PXMP4: variants seen among roughly 807,000 people sequenced by gnomAD.
PXMP4 encodes peroxisomal membrane protein 4, also known as 24 kDa peroxisomal intrinsic membrane protein.
PXMP4 carries 16 observed loss-of-function variants against 21.6 expected under a neutral mutation model. The observed-to-expected ratio is 0.74, with a 90% CI of 0.50 to 1.13. The LOEUF is 1.13. Among genes scored for constraint, PXMP4 ranks in the 50% most tolerant of loss-of-function variants. The probability of loss-of-function intolerance (pLI) is 0.00; values close to 1 mark genes in which losing one functional copy is unlikely to be tolerated. For synonymous variants in PXMP4, 127 were observed against 123.8 expected (o/e 1.03, Z -0.17); for missense variants, 240 against 277.7 (o/e 0.86, Z 0.96).
chr20:33,707,903 T>C lies in PXMP4; in HGVS notation c.442A>G (p.Ile148Val). 2 of 1,614,148 alleles carry C rather than the reference T, an allele frequency of 1.2e-6. No individual in the cohort carries two copies. The highest frequency in any genetic ancestry group is 8.5e-7 in the Non-Finnish European group (1 of 1,180,034). The change falls in exon 4 of 4, where the codon ATC becomes GTC. Residue 148 changes from isoleucine (I) to valine (V), a missense_variant. Ile to Val is a conservative substitution (Grantham distance 29). Coordinates refer to ENST00000409299, the MANE Select transcript of PXMP4 (RefSeq NM_007238.5). ...LSRLAVEKGY[I>V]PEPRWDPFPL... ...AACGGGTCCCACCTGGGTTCAGGGA[T>C]GTAGCCCTTCTCTACAGCCAGGCGG...
Position 33,702,897 on chromosome 20 carries a change from G to A in PXMP4, c.*4809C>T, listed in dbSNP as rs1047226700. On this transcript the variant is annotated 3_prime_UTR_variant, in exon 4 of 4. Transcript: ENST00000409299. ...AAGCATAGCACTTACTGTGCAACAAGAGCCCTCTGGCCATCCCTGTTTTAC... is the reference window on the plus strand; with the variant it reads ...AAGCATAGCACTTACTGTGCAACAAAAGCCCTCTGGCCATCCCTGTTTTAC... 1 of 152,154 alleles carries A rather than the reference G, an allele frequency of 6.6e-6. No individual in the cohort carries two copies. Among genetic ancestry groups the A allele is most frequent in the African/African-American group, 2.4e-5 (1 of 41,428 alleles). 9.4% of individuals were successfully genotyped at this position (152,154 alleles called of 1,614,324 possible).
chr20:33,710,529 T>G (rs755695260), intron 3 of PXMP4, 26 bp downstream of exon 3: 1 of 1,207,858 alleles, frequency 8.3e-7, no homozygotes. Context: ...CCCCCTTCAC[T>G]ACCCCCATCT....
rs1209510651 is a variant in PXMP4 at position 33,703,409 on chromosome 20, C to T, written c.*4297G>A. 1 of 152,278 alleles carries T rather than the reference C, an allele frequency of 6.6e-6. No individual in the cohort carries two copies. The highest frequency in any genetic ancestry group is 1.9e-4 in the East Asian group (1 of 5,198). The allele number at this position is 152,278 out of a possible 1,614,324, so 9.4% of individuals were successfully genotyped here. ...AAATAGAGGCACAGAATGGCTCAGTCACTTGCCCAAGGAAACTGTGGGGCC... is the reference window on the plus strand; with the variant it reads ...AAATAGAGGCACAGAATGGCTCAGTTACTTGCCCAAGGAAACTGTGGGGCC... On this transcript the variant is annotated 3_prime_UTR_variant, in exon 4 of 4. Coordinates refer to ENST00000409299, the MANE Select transcript of PXMP4 (RefSeq NM_007238.5).
In PXMP4 at chr20:33,704,916, CA is replaced by C. The variant is rs2018240881; in HGVS notation, c.*2789del. 1 of 151,650 alleles carries C rather than the reference CA, an allele frequency of 6.6e-6. No individual in the cohort carries two copies. The highest frequency in any genetic ancestry group is 2.4e-5 in the African/African-American group (1 of 41,226). The allele number at this position is 151,650 out of a possible 1,614,324, so 9.4% of individuals were successfully genotyped here. A position where few individuals can be genotyped will look rare whatever the true frequency, so the allele number is the denominator to read the frequency against. On this transcript the variant is annotated 3_prime_UTR_variant, in exon 4 of 4. Transcript: ENST00000409299. ...AGTATATTAATGAAAGTGTATCTAC[CA>C]GACCAATGGTCTCAAATTGGTAGCC... is the stretch of plus-strand genomic sequence containing the variant.
rs763105714 is a variant in PXMP4 at position 33,710,620 on chromosome 20, C to T, written c.310G>A (p.Ala104Thr). The change falls in exon 3 of 4, where the codon GCA (alanine) becomes ACA (threonine). Residue 104 changes from alanine to threonine, a missense_variant. Ala to Thr is a moderately conservative substitution (Grantham distance 58). Coordinates refer to ENST00000409299, the MANE Select transcript of PXMP4 (RefSeq NM_007238.5). ...YIQGKTYPAH[A>T]FLAAFLGGIL... is the part of the protein sequence containing the mutation. ...CCCCCGAGGAAGGCCGCCAGGAATGCGTGTGCTGGGTAGGTCTTGCCTTGT... is the reference window on the plus strand; with the variant it reads ...CCCCCGAGGAAGGCCGCCAGGAATGTGTGTGCTGGGTAGGTCTTGCCTTGT... The T allele has an allele frequency of 6.2e-7, 1 of 1,613,874 alleles. No homozygotes were observed. Among genetic ancestry groups the T allele is most frequent in the South Asian group, 1.1e-5 (1 of 91,070 alleles).
rs764280016 is a variant in PXMP4 at position 33,720,184 on chromosome 20, C to T, written c.24G>A (p.Arg8=). The change falls in exon 1 of 4, where the codon AGG becomes AGA. Residue 8 remains arginine (R), a synonymous_variant. Transcript: ENST00000409299. MAAPPQL[R]ALLVVVNALL... ...GTGCGTTGACGACTACGAGCAGAGC[C>T]CTTAGCTGCGGCGGGGCTGCCATAG... The T allele has an allele frequency of 9.9e-6, 16 of 1,612,614 alleles. No homozygotes were observed. The South Asian group carries it at 1.3e-4, about 13-fold the overall frequency.
intron 2 of PXMP4, 27 bp downstream of exon 2, chr20:33,714,647 T>C (rs752212229): frequency 6.2e-7 from 1 of 1,608,852 alleles, no homozygotes; most frequent in African/African-American, 1.3e-5. Flanking sequence ...GCTGACCACA[T>C]TCTCTCCCAG....
rs2018437948 is a variant in PXMP4, at chr20:33,720,253, T to C, written c.-46A>G. On this transcript the variant is annotated 5_prime_UTR_variant, in exon 1 of 4. Coordinates refer to ENST00000409299, the MANE Select transcript of PXMP4 (RefSeq NM_007238.5). ...TCGGGGTTAGGAACTGTAAGCGCAC[T>C]GACAGCCGGAGGTTCCAGCTGCGCG... The C allele has an allele frequency of 6.5e-7, 1 of 1,533,490 alleles. No homozygotes were observed. The highest frequency in any genetic ancestry group is 1.9e-5 in the Admixed American group (1 of 53,698). The allele number at this position is 1,533,490 out of a possible 1,614,324, so 95.0% of individuals were successfully genotyped here.
chr20:33,715,802 C>T (rs1230946633), intron 1 of PXMP4, among the ~76,000 whole-genome samples: 1 of 151,472 alleles, frequency 6.6e-6, no homozygotes, highest in Non-Finnish European at 1.5e-5. Flanking sequence ...TGGAATTGCT[C>T]CCTCTGCTCC....
In PXMP4 at chr20:33,710,634, G is replaced by A; in HGVS notation, c.296C>T (p.Thr99Ile). 1.9e-6 allele frequency: 3 copies of A among 1,613,894 alleles called. No individual in the cohort carries two copies. The highest frequency in any genetic ancestry group is 2.5e-6 in the Non-Finnish European group (3 of 1,179,998). The change falls in exon 3 of 4, where the codon ACC (threonine) becomes ATC (isoleucine). Residue 99 changes from threonine to isoleucine, a missense_variant. Transcript: ENST00000409299. ...RALQSYIQGK[T>I]YPAHAFLAAF... The stretch of plus-strand genomic sequence containing the variant: ...CGCCAGGAATGCGTGTGCTGGGTAG[G>A]TCTTGCCTTGTATGTAGGACTGCAG...
chr20:33,719,660 G>A (rs1440898629), intron 1 of PXMP4, among the ~76,000 whole-genome samples: 2 of 152,204 alleles, frequency 1.3e-5, no homozygotes, highest in Non-Finnish European at 1.5e-5. Flanking sequence ...GAAGTGAGAA[G>A]CAGGATGCAA....
At chr20:33,712,917 C>T (rs1021998338) in intron 2 of PXMP4, among the ~76,000 whole-genome samples, 4 of 152,228 alleles carry the variant, frequency 2.6e-5, no homozygotes, top group Non-Finnish European at 5.9e-5. Context: ...GCATGAGCCA[C>T]TGTGCCCAAC....
At position 33,720,103 on chromosome 20, in the gene PXMP4, G is replaced by A. The variant is rs778001930; in HGVS notation, c.105C>T (p.Asn35=). 12 of 1,613,456 alleles carry A rather than the reference G, an allele frequency of 7.4e-6. No individual in the cohort carries two copies. The African/African-American group carries it at 1.2e-4, about 16-fold the overall frequency. The part of the protein sequence containing the change: ...AALAVLKGFR[N]GAVYGAKIRA... ...CCGACGGCCCCACTCACACAGCCCC[G>A]TTCCGGAAGCCCTTAAGCACGGCCA... Residue 35 remains asparagine, a synonymous_variant, in exon 1 of 4, where the codon AAC becomes AAT. Transcript: ENST00000409299.
chr20:33,719,263 A>T (rs1473280206), intron 1 of PXMP4, among the ~76,000 whole-genome samples: 1 of 152,166 alleles, frequency 6.6e-6, no homozygotes, highest in Non-Finnish European at 1.5e-5. Context: ...TGCCCATTTT[A>T]CAGATATTGA....
At chr20:33,712,629 C>T (rs780292690) in intron 2 of PXMP4, among the ~76,000 whole-genome samples, 26 of 151,176 alleles carry the variant, frequency 1.7e-4, no homozygotes, top group Non-Finnish European at 2.8e-4. Flanking sequence ...TTTGTTTGTT[C>T]ATTTATTTAT....
chr20:33,707,997 T>C (rs952785222), intron 3 of PXMP4, 28 bp from the exon 4 acceptor site: 3 of 1,600,286 alleles, frequency 1.9e-6, no homozygotes, highest in Non-Finnish European at 2.6e-6. Context: ...TGGGAATTAC[T>C]GGTGATCAAT....
intron 3 of PXMP4, among the ~76,000 whole-genome samples, 175 bp from the exon 4 acceptor site, chr20:33,708,144 T>C (rs2018283601): frequency 2.0e-5 from 3 of 152,126 alleles, no homozygotes. Context: ...CTTTTCTCTA[T>C]TGATTTCCTG....
rs931719275 is a variant in PXMP4, at chr20:33,706,029, G to A, written c.*1677C>T. 2.0e-5 allele frequency: 3 copies of A among 151,994 alleles called. No individual in the cohort carries two copies. Among genetic ancestry groups the A allele is most frequent in the African/African-American group, 4.8e-5 (2 of 41,392 alleles). The allele number at this position is 151,994 out of a possible 1,614,324, so 9.4% of individuals were successfully genotyped here. A position where few individuals can be genotyped will look rare whatever the true frequency, so the allele number is the denominator to read the frequency against. On this transcript the variant is annotated 3_prime_UTR_variant, in exon 4 of 4. Transcript: ENST00000409299. ...CAGCCTCTGCCTCCCAGGTTCAAGC[G>A]ATTCTCCTGCCTCAGCCTCCCCAGT...
rs148720756 is a variant in PXMP4, at chr20:33,714,709, G to A, written c.141C>T (p.His47=). Residue 47 remains histidine (H), a synonymous_variant, in exon 2 of 4, where the codon CAC becomes CAT. Transcript: ENST00000409299. ...AVYGAKIRAP[H]ALVMTFLFRN... is the part of the protein sequence containing the mutation. ...GGAAGAGAAAGGTCATGACCAGCGCGTGAGGGGCCCGGATTTTGGCTCCAT... is the reference window on the plus strand; with the variant it reads ...GGAAGAGAAAGGTCATGACCAGCGCATGAGGGGCCCGGATTTTGGCTCCAT... 99 of 1,614,086 alleles carry A rather than the reference G, an allele frequency of 6.1e-5. No individual in the cohort carries two copies. The highest frequency in any genetic ancestry group is 3.7e-4 in the South Asian group (34 of 91,082).
Sources: allele counts gnomAD v4.1 joint callset (sites outside exome capture counted in the v4.1 genomes callset), GRCh38; gene constraint gnomAD v4.1.1; transcripts MANE v1.5; gene names NCBI Gene and HGNC (gene_info 2026-07-23, HGNC 2026-07-21).